KIAA1217: variants seen among roughly 807,000 people sequenced by gnomAD.
The protein encoded by KIAA1217 is KIAA1217.
In KIAA1217, 88 loss-of-function variants were observed where a neutral mutation model predicts 163.9. The ratio of observed to expected loss-of-function variants is 0.54; its 90% CI spans 0.45 to 0.64. The LOEUF (loss-of-function observed/expected upper bound fraction) is 0.64. Ranked by LOEUF, KIAA1217 falls within the 30% of genes least tolerant of loss-of-function variation. The probability of loss-of-function intolerance (pLI) is 0.00; values close to 1 mark genes in which losing one functional copy is unlikely to be tolerated. For missense variants in KIAA1217, 2,372 were observed against 2,475.0 expected (o/e 0.96, Z 0.88); for synonymous variants, 903 against 923.1 (o/e 0.98, Z 0.39).
At chr10:24,147,832 C>CAAAAAAAAAAAAAAAAAAAAAAAAA (rs1176106711) in intron 2 of KIAA1217, among the ~76,000 whole-genome samples, 8 of 20,770 alleles carry the variant, frequency 3.9e-4, no homozygotes, top group Non-Finnish European at 5.1e-4. Flanking sequence ...TACTCTGTCT[C>CAAAAAAAAAAAAAAAAAAAAAAAAA]AAAAAAAAAA....
At chr10:24,210,491 G>A (rs2067945895) in intron 1 of KIAA1217, among the ~76,000 whole-genome samples, 1 of 79,018 alleles carries the variant, frequency 1.3e-5, no homozygotes, top group Non-Finnish European at 2.3e-5. Context: ...CCATTTTCTA[G>A]GACAGGATCC....
At chr10:24,027,805 G>C (rs1017727994) in intron 2 of KIAA1217, among the ~76,000 whole-genome samples, 5 of 151,948 alleles carry the variant, frequency 3.3e-5, no homozygotes, top group Non-Finnish European at 7.4e-5. Flanking sequence ...GAATTCCCGG[G>C]AAACTCCTAA....
intron 2 of KIAA1217, among the ~76,000 whole-genome samples, chr10:24,144,230 A>C (rs548071776): frequency 3.9e-5 from 6 of 152,218 alleles, no homozygotes; most frequent in Non-Finnish European, 8.8e-5. Context: ...TGTGAATCTC[A>C]TTTTAAATTA....
intron 1 of KIAA1217, among the ~76,000 whole-genome samples, chr10:23,832,119 C>T (rs530826407): frequency 4.6e-5 from 7 of 152,216 alleles, no homozygotes; most frequent in East Asian, 1.9e-4. Context: ...GACTTCTCTC[C>T]GCCACTTCAG....
chr10:24,168,293 T>C (rs1475339538), intron 2 of KIAA1217, among the ~76,000 whole-genome samples: 5 of 152,106 alleles, frequency 3.3e-5, no homozygotes, highest in Non-Finnish European at 7.4e-5. Context: ...TAAAGCTTAC[T>C]TATAAGGAGG....
intron 1 of KIAA1217, among the ~76,000 whole-genome samples, chr10:23,934,541 T>G (rs1447526487): frequency 4.6e-5 from 6 of 131,678 alleles, no homozygotes; most frequent in Non-Finnish European, 9.5e-5. Flanking sequence ...GAAAAATATA[T>G]TAAGTGGTCT....
chr10:24,172,491 G>A (rs1202340960), intron 2 of KIAA1217, among the ~76,000 whole-genome samples: 2 of 152,156 alleles, frequency 1.3e-5, no homozygotes, highest in African/African-American at 4.8e-5. Flanking sequence ...TCCTAGCTGA[G>A]TTACCTTAGA....
At chr10:23,861,775 A>AT (rs943578628) in intron 1 of KIAA1217, among the ~76,000 whole-genome samples, 3 of 152,000 alleles carry the variant, frequency 2.0e-5, no homozygotes, top group Non-Finnish European at 4.4e-5. Context: ...CATGAAGCAA[A>AT]TTTTTTTCAG....
intron 1 of KIAA1217, among the ~76,000 whole-genome samples, chr10:23,922,580 G>C (rs1376202681): frequency 6.6e-6 from 1 of 152,174 alleles, no homozygotes; most frequent in Non-Finnish European, 1.5e-5. Flanking sequence ...GTTAGTGTTA[G>C]AATGAAACTA....
At chr10:23,795,244 C>G (rs893805821) in intron 1 of KIAA1217, among the ~76,000 whole-genome samples, 1 of 152,192 alleles carries the variant, frequency 6.6e-6, no homozygotes, top group Admixed American at 6.5e-5. Flanking sequence ...CTTGGTCTCC[C>G]TGCCTCCCTT....
intron 2 of KIAA1217, among the ~76,000 whole-genome samples, chr10:24,092,733 G>C (rs1428548946): frequency 6.6e-6 from 1 of 151,784 alleles, no homozygotes; most frequent in Non-Finnish European, 1.5e-5. Context: ...CAAATAGTAG[G>C]TTTCCAGGAG....
Position 24,024,427 on chromosome 10 carries a change from T to G in KIAA1217, c.-171+17053T>G, listed in dbSNP as rs1314595035. Among the ~76,000 whole-genome samples the G allele has an allele frequency of 5.3e-5, 8 of 151,840 alleles. No individual in the cohort carries two copies. The South Asian group carries it at 1.7e-3, about 31-fold the overall frequency. ...GTTGATCAGAATTTTATTTTTTTAT[T>G]TCTGAATAGTATTATATGGGCATTA... On this transcript the variant is annotated intron_variant, in intron 2 of 18. Transcript: ENST00000376462.
intron 2 of KIAA1217, among the ~76,000 whole-genome samples, chr10:24,272,650 A>G (rs1014078782): frequency 1.2e-4 from 18 of 152,236 alleles, no homozygotes; most frequent in South Asian, 2.1e-4. Context: ...TCAAATAGTC[A>G]TGGATTTATT....
At chr10:23,864,523 A>AAC (rs10544205) in intron 1 of KIAA1217, among the ~76,000 whole-genome samples, 9,621 of 147,260 alleles carry the variant, frequency 0.065, 664 homozygotes, top group African/African-American at 0.18. Context: ...TACACACACC[A>AAC]ACACACACAC....
At chr10:23,964,293 TG>T (rs1355604513) in intron 1 of KIAA1217, among the ~76,000 whole-genome samples, 5 of 148,282 alleles carry the variant, frequency 3.4e-5, no homozygotes, top group Admixed American at 6.7e-5. Flanking sequence ...TTGATGGGGT[TG>T]TTTTTTTTTT....
intron 1 of KIAA1217, among the ~76,000 whole-genome samples, chr10:23,741,703 A>C (rs1161853498): frequency 6.6e-6 from 1 of 152,186 alleles, no homozygotes; most frequent in African/African-American, 2.4e-5. Flanking sequence ...CGAGTTGGTG[A>C]AAGTTCATGC....
chr10:23,990,476 C>A (rs1375363398), intron 1 of KIAA1217, among the ~76,000 whole-genome samples: 1 of 151,966 alleles, frequency 6.6e-6, no homozygotes, highest in African/African-American at 2.4e-5. Flanking sequence ...GATTTTTATT[C>A]ATGCTCAATC....
At chr10:24,414,513 T>TC (rs1307254246) in intron 3 of KIAA1217, among the ~76,000 whole-genome samples, 3 of 152,314 alleles carry the variant, frequency 2.0e-5, no homozygotes, top group African/African-American at 7.2e-5. Flanking sequence ...ATTGCTTTTT[T>TC]CCCAGTGCCT....
At chr10:24,122,761 CT>C (rs958667646) in intron 2 of KIAA1217, among the ~76,000 whole-genome samples, 2 of 151,868 alleles carry the variant, frequency 1.3e-5, no homozygotes, top group African/African-American at 2.4e-5. Context: ...AAATATAATG[CT>C]TTTTTTGTTT....
Sources: gnomAD v4.1 joint callset for allele counts (sites outside exome capture counted in the v4.1 genomes callset) on GRCh38, gnomAD v4.1.1 for gene constraint, MANE v1.5 for transcripts, NCBI Gene and HGNC (gene_info 2026-07-23, HGNC 2026-07-21) for gene names.